The following RNF150 variants were observed in gnomAD, a reference collection of about 807,000 sequenced individuals.
RNF150 encodes the protein ring finger protein 150.
RNF150 carries 24 observed loss-of-function variants against 39.3 expected under a neutral mutation model. That is an observed-to-expected ratio of 0.61 (90% CI 0.44 to 0.86). The LOEUF (loss-of-function observed/expected upper bound fraction) is 0.86, where lower values mean the gene tolerates loss of function less well. Among genes scored for constraint, RNF150 ranks in the 40% least tolerant of loss-of-function variants. The pLI, the probability that RNF150 is intolerant of heterozygous loss-of-function variation, is 0.00. For missense variants in RNF150, 502 were observed against 587.8 expected (o/e 0.85, Z 1.51); for synonymous variants, 255 against 227.3 (o/e 1.12, Z -1.10).
At chr4:141,154,682 G>T (rs899442123) in intron 1 of RNF150, among the ~76,000 whole-genome samples, 1 of 152,152 alleles carries the variant, frequency 6.6e-6, no homozygotes, top group Non-Finnish European at 1.5e-5. Flanking sequence ...ATATTTGAGT[G>T]CAAAAAGAAC....
In RNF150 at chr4:140,949,381, C is replaced by G. The variant is rs1243959129; in HGVS notation, c.736-9G>C. The G allele has an allele frequency of 6.2e-7, 1 of 1,611,116 alleles. No individual in the cohort carries two copies. The highest frequency in any genetic ancestry group is 1.1e-5 in the South Asian group (1 of 90,536). ...GCATCCCCCAGTCGGCGCTGAAAAG[C>G]CAAAACGTGCTTGTTAATAATAAAG... On this transcript the variant is annotated splice_polypyrimidine_tract_variant and intron_variant, in intron 2 of 6. Transcript: ENST00000515673.
At chr4:141,010,665 C>A (rs769756579) in intron 1 of RNF150, among the ~76,000 whole-genome samples, 1 of 152,080 alleles carries the variant, frequency 6.6e-6, no homozygotes, top group Non-Finnish European at 1.5e-5. Flanking sequence ...TGAGGGACTG[C>A]GTGAGCATGT....
At chr4:141,083,816 A>G (rs1457489502) in intron 1 of RNF150, among the ~76,000 whole-genome samples, 3 of 152,212 alleles carry the variant, frequency 2.0e-5, no homozygotes, top group Non-Finnish European at 4.4e-5. Flanking sequence ...CTGGGCATCT[A>G]TGGAAACTAC....
At chr4:141,102,273 G>A (rs373879834) in intron 1 of RNF150, among the ~76,000 whole-genome samples, 3 of 152,108 alleles carry the variant, frequency 2.0e-5, no homozygotes, top group African/African-American at 7.2e-5. Flanking sequence ...TCTTGATTAG[G>A]ATCTCACTGC....
intron 4 of RNF150, among the ~76,000 whole-genome samples, chr4:140,939,653 T>C (rs1483807410): frequency 1.8e-5 from 2 of 108,632 alleles, no homozygotes; most frequent in African/African-American, 6.6e-5. Flanking sequence ...TGTGTGTGTG[T>C]GTGTGTGTTT....
At chr4:141,062,101 ATAC>A (rs952799174) in intron 1 of RNF150, among the ~76,000 whole-genome samples, 3 of 152,164 alleles carry the variant, frequency 2.0e-5, no homozygotes, top group African/African-American at 7.2e-5. Context: ...ACACACTTTC[ATAC>A]TACAGCAGAG....
At chr4:141,162,535 G>A (rs1363513852) in intron 1 of RNF150, among the ~76,000 whole-genome samples, 4 of 152,118 alleles carry the variant, frequency 2.6e-5, no homozygotes, top group African/African-American at 4.8e-5. Context: ...AATAGGAACA[G>A]CTCCTGTCTG....
At chr4:140,903,064 A>G (rs1730245009) in intron 6 of RNF150, among the ~76,000 whole-genome samples, 1 of 152,208 alleles carries the variant, frequency 6.6e-6, no homozygotes, top group African/African-American at 2.4e-5. Flanking sequence ...GTGCTAAGAC[A>G]GGGGCTCTAA....
chr4:141,090,981 T>C (rs1738559550), intron 1 of RNF150, among the ~76,000 whole-genome samples: 1 of 152,232 alleles, frequency 6.6e-6, no homozygotes, highest in South Asian at 2.1e-4. Context: ...TGGCAAGGGC[T>C]GAAAGCTCCA....
At chr4:141,208,822 A>T (rs1728417472) in intron 1 of RNF150, among the ~76,000 whole-genome samples, 2 of 152,080 alleles carry the variant, frequency 1.3e-5, no homozygotes, top group Non-Finnish European at 2.9e-5. Flanking sequence ...GAGACAAAAG[A>T]CTTCAGCACT....
At chr4:141,057,160 A>T (rs182415355) in intron 1 of RNF150, among the ~76,000 whole-genome samples, 67 of 152,156 alleles carry the variant, frequency 4.4e-4, no homozygotes, top group Non-Finnish European at 5.9e-4. Flanking sequence ...AGCTTCTGAG[A>T]TTGATTTTGG....
intron 1 of RNF150, among the ~76,000 whole-genome samples, chr4:141,093,535 G>A (rs935513834): frequency 2.6e-5 from 4 of 152,108 alleles, no homozygotes; most frequent in African/African-American, 9.7e-5. Flanking sequence ...ATCTCCTTTG[G>A]GTATTCCCCA....
intron 1 of RNF150, among the ~76,000 whole-genome samples, chr4:141,092,208 G>T (rs1445424318): frequency 6.6e-6 from 1 of 152,024 alleles, no homozygotes; most frequent in Admixed American, 6.6e-5. Flanking sequence ...GCTGGGCATG[G>T]TGGTGGTGCC....
chr4:140,933,243 C>T (rs1180952208), intron 4 of RNF150, among the ~76,000 whole-genome samples: 1 of 152,126 alleles, frequency 6.6e-6, no homozygotes, highest in Non-Finnish European at 1.5e-5. Context: ...TACGGTAAGG[C>T]CTTTTGTACA....
chr4:141,135,888 C>T (rs1405889616), upstream of RNF150, among the ~76,000 whole-genome samples: 1 of 152,168 alleles, frequency 6.6e-6, no homozygotes, highest in Non-Finnish European at 1.5e-5. Flanking sequence ...AGAATGAGTC[C>T]TATCATGTAC....
At chr4:141,011,611 G>A (rs1372936732) in intron 1 of RNF150, among the ~76,000 whole-genome samples, 15 of 152,122 alleles carry the variant, frequency 9.9e-5, no homozygotes, top group Non-Finnish European at 2.1e-4. Context: ...TGTGTGAGAT[G>A]GACTTGGGTA....
At chr4:141,187,549 T>C (rs1728035181) in intron 1 of RNF150, among the ~76,000 whole-genome samples, 1 of 152,206 alleles carries the variant, frequency 6.6e-6, no homozygotes, top group Non-Finnish European at 1.5e-5. Flanking sequence ...ATTGGGTGCA[T>C]ATATATTTAG....
chr4:141,078,187 G>C (rs1389762659), intron 1 of RNF150, among the ~76,000 whole-genome samples: 1 of 152,182 alleles, frequency 6.6e-6, no homozygotes, highest in African/African-American at 2.4e-5. Context: ...GTGCAACCAA[G>C]AGATGCCTGT....
At position 140,891,743 on chromosome 4, in the gene RNF150, C is replaced by A. The variant is rs567038188; in HGVS notation, c.1198+19401G>T. On this transcript the variant is annotated intron_variant, in intron 6 of 6. Coordinates refer to ENST00000515673, the MANE Select transcript of RNF150 (RefSeq NM_020724.2). ...ACCTGGGCCACCGACTGGTACCAGT[C>A]CATGGTCTGTTAGGATCTGGGCCAC... Among the ~76,000 whole-genome samples, 4 of 152,242 alleles carry A rather than the reference C, an allele frequency of 2.6e-5. No individual in the cohort carries two copies. In the South Asian group the frequency reaches 8.3e-4, roughly 32 times the overall value.
Sources: allele counts gnomAD v4.1 joint callset (sites outside exome capture counted in the v4.1 genomes callset), GRCh38; gene constraint gnomAD v4.1.1; transcripts MANE v1.5; gene names NCBI Gene and HGNC (gene_info 2026-07-23, HGNC 2026-07-21).